DMD: variants seen among roughly 807,000 people sequenced by gnomAD.
The protein encoded by DMD is mutant dystrophin.
In DMD, 63 loss-of-function variants were observed where a neutral mutation model predicts 330.1. The ratio of observed to expected loss-of-function variants is 0.19; its 90% CI spans 0.16 to 0.24. DMD has a LOEUF of 0.24. Ranked by LOEUF, DMD falls within the 10% of genes least tolerant of loss-of-function variation. The pLI is 1.00. For synonymous variants in DMD, 1,223 were observed against 959.8 expected, an observed-to-expected ratio of 1.27 and a Z score of -5.07; for missense variants, 3,344 against 2,684.1, an observed-to-expected ratio of 1.25 and a Z score of -5.43.
At chrX:32,427,100 T>C (rs963547998) in intron 29 of DMD, among the ~76,000 whole-genome samples, 5 of 111,397 alleles carry the variant, frequency 4.5e-5, no homozygotes, top group African/African-American at 1.3e-4. Context: ...ACCCAGAACA[T>C]AAAAGTAAAA....
At chrX:33,189,447 G>T (rs1219783237) in intron 1 of DMD, among the ~76,000 whole-genome samples, 1 of 111,557 alleles carries the variant, frequency 9.0e-6, no homozygotes. Context: ...CTTATGCTAT[G>T]AGAACACTTT....
At chrX:32,753,884 A>T (rs1041264299) in intron 7 of DMD, among the ~76,000 whole-genome samples, 1 of 111,668 alleles carries the variant, frequency 9.0e-6, no homozygotes, top group African/African-American at 3.3e-5. Context: ...ATAACAAGCC[A>T]TTGAAAATAA....
chrX:31,658,610 C>T (rs1427172481), intron 53 of DMD, among the ~76,000 whole-genome samples: 2 of 111,993 alleles, frequency 1.8e-5, no homozygotes, highest in Non-Finnish European at 3.8e-5. Flanking sequence ...AAATATTGAA[C>T]AACAAAAGAA....
intron 2 of DMD, among the ~76,000 whole-genome samples, chrX:32,890,809 G>C (rs1383567752): frequency 9.0e-6 from 1 of 111,553 alleles, no homozygotes; most frequent in Non-Finnish European, 1.9e-5. Flanking sequence ...TTTTCATTTT[G>C]CTTTATTTTT....
chrX:32,879,831 G>C (rs2083736325), intron 2 of DMD, among the ~76,000 whole-genome samples: 2 of 111,070 alleles, frequency 1.8e-5, no homozygotes, highest in South Asian at 7.6e-4. Context: ...AATTCTGAGA[G>C]AGCTTCATTT....
chrX:33,014,062 T>C (rs1001664626), intron 2 of DMD, among the ~76,000 whole-genome samples: 1 of 112,119 alleles, frequency 8.9e-6, no homozygotes, highest in African/African-American at 3.2e-5. Context: ...ATTGATATAT[T>C]GTCCCAACTG....
At chrX:31,726,214 A>C (rs897064691) in intron 52 of DMD, among the ~76,000 whole-genome samples, 1 of 112,566 alleles carries the variant, frequency 8.9e-6, no homozygotes, top group Admixed American at 9.4e-5. Flanking sequence ...CCACGGTAAT[A>C]GTTTCATATA....
chrX:31,853,071 A>T (rs1241018565), intron 48 of DMD, among the ~76,000 whole-genome samples: 3 of 111,931 alleles, frequency 2.7e-5, no homozygotes, highest in Non-Finnish European at 5.6e-5. Flanking sequence ...TTTAGTACAG[A>T]CGGGGTTTTG....
intron 2 of DMD, among the ~76,000 whole-genome samples, chrX:32,948,337 C>T (rs1333201418): frequency 9.0e-6 from 1 of 111,579 alleles, no homozygotes; most frequent in Non-Finnish European, 1.9e-5. Context: ...TGTAAGCTCA[C>T]CAGATTCTTG....
intron 44 of DMD, among the ~76,000 whole-genome samples, chrX:32,041,632 T>C (rs1320382768): frequency 9.0e-6 from 1 of 111,052 alleles, no homozygotes; most frequent in Admixed American, 9.6e-5. Flanking sequence ...AGCAGCACAT[T>C]CTCCACACAT....
At chrX:32,731,976 G>A (rs1293567439) in intron 7 of DMD, among the ~76,000 whole-genome samples, 4 of 111,645 alleles carry the variant, frequency 3.6e-5, no homozygotes, top group Non-Finnish European at 7.5e-5. Flanking sequence ...GCTACGGGAG[G>A]ACATTCAAAC....
intron 1 of DMD, among the ~76,000 whole-genome samples, chrX:33,289,590 G>A (rs1480509916): frequency 1.8e-5 from 2 of 111,468 alleles, no homozygotes; most frequent in African/African-American, 6.5e-5. Flanking sequence ...TCTAAGTTGA[G>A]GTGAATTCAT....
intron 59 of DMD, among the ~76,000 whole-genome samples, chrX:31,465,815 C>T (rs1350349286): frequency 8.9e-6 from 1 of 112,013 alleles, no homozygotes; most frequent in East Asian, 2.8e-4. Flanking sequence ...AATTTACACT[C>T]CCACCAACAG....
intron 52 of DMD, among the ~76,000 whole-genome samples, chrX:31,705,192 T>C (rs2148883208): frequency 8.9e-6 from 1 of 112,385 alleles, no homozygotes; most frequent in African/African-American, 3.2e-5. Context: ...GCAAAAAAGA[T>C]GCAGAAAAAC....
Position 33,327,804 on chromosome X carries a change from G to C in DMD, c.7+11455C>G, listed in dbSNP as rs186460060. On this transcript the variant is annotated intron_variant, in intron 1 of 17. Coordinates refer to the DMD transcript ENST00000288447. ...TCTTATAAAGATCTGGTTCTGATTAGAGCTGTTTCACAAGTAGCTTAATCT... is the reference window on the plus strand; with the variant it reads ...TCTTATAAAGATCTGGTTCTGATTACAGCTGTTTCACAAGTAGCTTAATCT... Among the ~76,000 whole-genome samples the C allele has an allele frequency of 3.6e-5, 4 of 111,524 alleles. No individual in the cohort carries two copies. In the Admixed American group the frequency reaches 3.8e-4, roughly 11 times the overall value.
At chrX:32,630,790 A>C (rs1179076159) in intron 11 of DMD, among the ~76,000 whole-genome samples, 2 of 111,935 alleles carry the variant, frequency 1.8e-5, no homozygotes, top group East Asian at 5.6e-4. Context: ...TCTGTCTGAA[A>C]GGTCACATAT....
rs184099741 is a variant in DMD at position 32,220,099 on chromosome X, T to A, written c.6291-3036A>T. 9.0e-5 allele frequency among the ~76,000 whole-genome samples: 10 copies of A among 111,491 alleles called. No individual in the cohort carries two copies. The East Asian group carries it at 2.9e-3, about 32-fold the overall frequency. On this transcript the variant is annotated intron_variant, in intron 43 of 78. Coordinates refer to ENST00000357033, the MANE Select transcript of DMD (RefSeq NM_004006.3). Reference sequence around the variant, plus strand: ...GGGAACAGGCCTTCCACTTACACCATTGTTCCAGGCCCACAAGAGGGAGGC... The same window carrying A: ...GGGAACAGGCCTTCCACTTACACCAATGTTCCAGGCCCACAAGAGGGAGGC...
chrX:31,300,832 C>T (rs966982234), intron 62 of DMD, among the ~76,000 whole-genome samples: 1 of 111,995 alleles, frequency 8.9e-6, no homozygotes, highest in African/African-American at 3.2e-5. Context: ...GCTCAGACTT[C>T]CAGTTTCAAC....
chrX:32,722,750 A>C lies in DMD; in HGVS notation c.650-23457T>G, dbSNP rs1311380704. On this transcript the variant is annotated intron_variant, in intron 7 of 78. Coordinates refer to ENST00000357033, the MANE Select transcript of DMD (RefSeq NM_004006.3). ...TTAAAATTTTTTGGATATCTTTTGCATAAAAATGCAACTAATTTTATGTTG... is the reference window on the plus strand; with the variant it reads ...TTAAAATTTTTTGGATATCTTTTGCCTAAAAATGCAACTAATTTTATGTTG... 5.4e-5 allele frequency among the ~76,000 whole-genome samples: 6 copies of C among 111,269 alleles called. No individual in the cohort carries two copies. The Admixed American group carries it at 5.8e-4, about 11-fold the overall frequency.
Sources: allele counts gnomAD v4.1 joint callset (sites outside exome capture counted in the v4.1 genomes callset), GRCh38; gene constraint gnomAD v4.1.1; transcripts MANE v1.5; gene names NCBI Gene and HGNC (gene_info 2026-07-23, HGNC 2026-07-21).